Variants in GHRHR observed in about 807,000 individuals in gnomAD.
The protein encoded by GHRHR is growth hormone-releasing hormone receptor.
A neutral mutation model predicts 58.3 loss-of-function variants in GHRHR; 40 were observed. That is an observed-to-expected ratio of 0.69 (90% confidence interval 0.53 to 0.89). GHRHR has a LOEUF of 0.89. Ranked by LOEUF, GHRHR falls within the 40% of genes least tolerant of loss-of-function variation. GHRHR has a pLI of 0.00. For missense variants in GHRHR, 551 were observed against 541.3 expected, an observed-to-expected ratio of 1.02 and a Z score of -0.18; for synonymous variants, 249 against 216.6, an observed-to-expected ratio of 1.15 and a Z score of -1.31.
At chr7:30,976,999 T>C (rs1001411091) in intron 11 of GHRHR, among the ~76,000 whole-genome samples, 1 of 152,008 alleles carries the variant, frequency 6.6e-6, no homozygotes, top group Admixed American at 6.6e-5. Flanking sequence ...CTCTTACTGA[T>C]CCCCTATTAT....
chr7:30,969,470 C>G (rs1792435755), intron 3 of GHRHR: 1 of 593,352 alleles, frequency 1.7e-6, no homozygotes, highest in Non-Finnish European at 3.0e-6. Context: ...GCAGGCCTGC[C>G]TGACTGCCAA....
intron 1 of GHRHR, among the ~76,000 whole-genome samples, chr7:30,967,803 C>T (rs1170796998): frequency 6.6e-6 from 1 of 152,190 alleles, no homozygotes; most frequent in East Asian, 1.9e-4. Flanking sequence ...CTCTCACTTA[C>T]TAAGCTACCC....
chr7:30,967,467 CTA>C (rs1491267076), intron 1 of GHRHR, among the ~76,000 whole-genome samples: 1 of 152,192 alleles, frequency 6.6e-6, no homozygotes, highest in Non-Finnish European at 1.5e-5. Context: ...GCTCCTAAAA[CTA>C]TAATCTTTCA....
At chr7:30,966,006 G>A (rs893521753) in intron 1 of GHRHR, among the ~76,000 whole-genome samples, 3 of 152,236 alleles carry the variant, frequency 2.0e-5, no homozygotes, top group Non-Finnish European at 2.9e-5. Context: ...AGCCTGGGTA[G>A]TGGGTGACAT....
At chr7:30,975,927 T>C in intron 10 of GHRHR, 59 bp downstream of exon 10, 1 of 951,396 alleles carries the variant, frequency 1.1e-6, no homozygotes, top group Non-Finnish European at 1.7e-6. Flanking sequence ...GGATTCAATG[T>C]GTCTGTCTCA....
chr7:30,969,803 AC>A lies in GHRHR; in HGVS notation c.269-59del, dbSNP rs535628001. The A allele has an allele frequency of 2.3e-4, 354 of 1,544,144 alleles. 3 individuals are homozygous for A. In the South Asian group the frequency reaches 3.7e-3, roughly 16 times the overall value. ...CCAGGGTCACTTGATGGTCCCTGGC[AC>A]CCCCAGCCCCCTCCTGGGGAGAGGG... On this transcript the variant is annotated intron_variant, in intron 3 of 12. Coordinates refer to ENST00000326139, the MANE Select transcript of GHRHR (RefSeq NM_000823.4).
intron 9 of GHRHR, among the ~76,000 whole-genome samples, chr7:30,975,376 C>T (rs1038721566): frequency 1.3e-5 from 2 of 152,216 alleles, no homozygotes; most frequent in African/African-American, 4.8e-5. Context: ...CCCTCTCCTC[C>T]CTCTGCTCTC....
Position 30,976,460 on chromosome 7 carries a change from C to A in GHRHR, c.1006C>A (p.Pro336Thr), listed in dbSNP as rs1562595385. The stretch of plus-strand genomic sequence containing the variant: ...CTCCAAGTCGACACTTTTCCTGATC[C>A]CACTCTTTGGAATTCACTACATCAT... Reference protein sequence around the residue: ...RLSKSTLFLIPLFGIHYIIFN... With the variant: ...RLSKSTLFLITLFGIHYIIFN... The change falls in exon 11 of 13, where the codon CCA (proline) becomes ACA (threonine). Residue 336 changes from proline to threonine, a missense_variant. Transcript: ENST00000326139. The A allele has an allele frequency of 6.2e-7, 1 of 1,613,224 alleles. No individual in the cohort carries two copies. Among genetic ancestry groups the A allele is most frequent in the Non-Finnish European group, 8.5e-7 (1 of 1,179,406 alleles).
chr7:30,974,152 G>A lies in GHRHR; in HGVS notation c.751+14G>A. On this transcript the variant is annotated intron_variant, in intron 7 of 12. Transcript: ENST00000326139. ...TCGCTGGCTGGGGTGAGCACTGAGG[G>A]CGGGTTGGGCACCATGGGGAGGTAA... is the stretch of plus-strand genomic sequence containing the variant. The A allele has an allele frequency of 1.2e-6, 2 of 1,613,056 alleles. No homozygotes were observed. Among genetic ancestry groups the A allele is most frequent in the Non-Finnish European group, 1.7e-6 (2 of 1,179,414 alleles).
chr7:30,966,977 T>C (rs1223486546), intron 1 of GHRHR, among the ~76,000 whole-genome samples: 2 of 152,174 alleles, frequency 1.3e-5, no homozygotes, highest in African/African-American at 4.8e-5. Context: ...GCGCAGGGTC[T>C]ATTAGGATCC....
rs780034376 is a variant in GHRHR, at chr7:30,968,816, G to A, written c.58-18G>A. On this transcript the variant is annotated intron_variant, in intron 1 of 12. Transcript: ENST00000326139. The stretch of plus-strand genomic sequence containing the variant: ...ACACCCAAATGGCTTGGCTCATCCT[G>A]TTCACTGTTTCCAGCAGGTATTGGG... 8 of 1,586,034 alleles carry A rather than the reference G, an allele frequency of 5.0e-6. No individual in the cohort carries two copies. Among genetic ancestry groups the A allele is most frequent in the Non-Finnish European group, 6.1e-6 (7 of 1,154,670 alleles).
intron 11 of GHRHR, among the ~76,000 whole-genome samples, chr7:30,976,772 C>T (rs992199716): frequency 2.4e-4 from 36 of 152,086 alleles, no homozygotes; most frequent in African/African-American, 8.5e-4. Context: ...ATGCATCCAT[C>T]CATCCATCCG....
In GHRHR at chr7:30,968,926, C is replaced by T; in HGVS notation, c.150C>T (p.Asn50=). 6.2e-7 allele frequency: 1 copy of T among 1,610,222 alleles called. No homozygotes were observed. Among genetic ancestry groups the T allele is most frequent in the Non-Finnish European group, 8.5e-7 (1 of 1,176,462 alleles). ...ACLQAAEEMP[N]TTLGCPATWD... ...TACAAGCAGCAGAGGAGATGCCCAA[C>T]ACCACCCTGGGTATGGGGCCTAGGA... The change falls in exon 2 of 13, where the codon AAC becomes AAT. Residue 50 remains asparagine (N), a synonymous_variant. Transcript: ENST00000326139.
chr7:30,971,097 C>T (rs1259749332), intron 4 of GHRHR, 22 bp from the exon 5 acceptor site: 1 of 1,070,278 alleles, frequency 9.3e-7, no homozygotes, highest in Non-Finnish European at 1.4e-6. Context: ...CTGAGACTTT[C>T]TTCTGTCTCT....
At position 30,969,854 on chromosome 7, in the gene GHRHR, G is replaced by A. The variant is rs770338509; in HGVS notation, c.269-13G>A. ...GAAGGAGTTGTGGCTAGAGAGTCTT[G>A]CTTGCCTCCCAGGGGCTGTGAAACG... is the stretch of plus-strand genomic sequence containing the variant. On this transcript the variant is annotated splice_polypyrimidine_tract_variant and intron_variant, in intron 3 of 12. Transcript: ENST00000326139. 1 of 1,613,634 alleles carries A rather than the reference G, an allele frequency of 6.2e-7. No individual in the cohort carries two copies. Among genetic ancestry groups the A allele is most frequent in the Non-Finnish European group, 8.5e-7 (1 of 1,179,516 alleles).
At chr7:30,964,437 G>C (rs1177365799) in intron 1 of GHRHR, among the ~76,000 whole-genome samples, 3 of 152,072 alleles carry the variant, frequency 2.0e-5, no homozygotes, top group Non-Finnish European at 2.9e-5. Flanking sequence ...CAGAGACTCT[G>C]TCTGCCACAA....
At chr7:30,969,236 A>G in intron 3 of GHRHR, 66 bp downstream of exon 3, 1 of 1,144,768 alleles carries the variant, frequency 8.7e-7, no homozygotes, top group Non-Finnish European at 1.3e-6. Context: ...CAGAATCATC[A>G]CTGGATTTGG....
At chr7:30,968,810 C>T (rs1792412799) in intron 1 of GHRHR, 24 bp from the exon 2 acceptor site, 1 of 1,559,542 alleles carries the variant, frequency 6.4e-7, no homozygotes, top group Non-Finnish European at 8.8e-7. Context: ...TGGCTTGGCT[C>T]ATCCTGTTCA....
Position 30,979,362 on chromosome 7 carries a change from C to A in GHRHR, c.*118C>A. 2 of 962,768 alleles carry A rather than the reference C, an allele frequency of 2.1e-6. No individual in the cohort carries two copies. The highest frequency in any genetic ancestry group is 3.2e-6 in the Non-Finnish European group (2 of 624,952). 59.6% of individuals were successfully genotyped at this position (962,768 alleles called of 1,614,324 possible). A position where few individuals can be genotyped will look rare whatever the true frequency, so the allele number is the denominator to read the frequency against. The stretch of plus-strand genomic sequence containing the variant: ...ACCCCAGCTGTTACCCAGCCCGGGG[C>A]AGGTGCAGCCCTTCCTCCCTGTCTC... On this transcript the variant is annotated 3_prime_UTR_variant, in exon 13 of 13. Coordinates refer to ENST00000326139, the MANE Select transcript of GHRHR (RefSeq NM_000823.4).
Sources: allele counts gnomAD v4.1 joint callset (sites outside exome capture counted in the v4.1 genomes callset), GRCh38; gene constraint gnomAD v4.1.1; transcripts MANE v1.5; gene names NCBI Gene and HGNC (gene_info 2026-07-23, HGNC 2026-07-21).